CDH8: variants seen among roughly 807,000 people sequenced by gnomAD.
CDH8 encodes the protein cadherin 8, also known as cadherin-8.
A neutral mutation model predicts 68.1 loss-of-function variants in CDH8; 17 were observed. The observed-to-expected ratio is 0.25, with a 90% CI of 0.17 to 0.37. The LOEUF (loss-of-function observed/expected upper bound fraction) is 0.37, where lower values mean the gene tolerates loss of function less well. Among genes scored for constraint, CDH8 ranks in the 10% least tolerant of loss-of-function variants. The probability of loss-of-function intolerance (pLI) is 1.00; values close to 1 mark genes in which losing one functional copy is unlikely to be tolerated. For synonymous variants in CDH8, 372 were observed against 365.1 expected, an observed-to-expected ratio of 1.02 and a Z score of -0.21; for missense variants, 763 against 999.3, an observed-to-expected ratio of 0.76 and a Z score of 3.19.
chr16:62,006,096 T>C lies in CDH8; in HGVS notation c.252+15056A>G, dbSNP rs1261033570. Among the ~76,000 whole-genome samples, 3 of 152,208 alleles carry C rather than the reference T, an allele frequency of 2.0e-5. No individual in the cohort carries two copies. The East Asian group carries it at 5.8e-4, about 29-fold the overall frequency. ...CACAAAAGCCTCTGGTGAGGCAATA[T>C]GATCACTAGAGAAAACACAAGACAA... is the stretch of plus-strand genomic sequence containing the variant. On this transcript the variant is annotated intron_variant, in intron 2 of 11. Transcript: ENST00000577390.
chr16:61,998,600 C>T (rs1293055328), intron 2 of CDH8, among the ~76,000 whole-genome samples: 2 of 152,148 alleles, frequency 1.3e-5, no homozygotes, highest in Non-Finnish European at 2.9e-5. Flanking sequence ...TGTACCTAAG[C>T]TCTCACCTTG....
intron 2 of CDH8, among the ~76,000 whole-genome samples, chr16:62,008,794 C>T (rs1901732314): frequency 6.6e-6 from 1 of 152,080 alleles, no homozygotes; most frequent in South Asian, 2.1e-4. Context: ...TGGCCTTGAT[C>T]AATAGGTTCA....
chr16:61,718,351 T>C (rs8062933), intron 9 of CDH8, among the ~76,000 whole-genome samples: 6,072 of 151,450 alleles, frequency 0.04, 419 homozygotes, highest in African/African-American at 0.14. Context: ...TTTTGGAATA[T>C]TTTCCAAGGC....
intron 8 of CDH8, among the ~76,000 whole-genome samples, chr16:61,742,082 T>C (rs779822070): frequency 6.6e-6 from 1 of 152,164 alleles, no homozygotes; most frequent in African/African-American, 2.4e-5. Flanking sequence ...TTTTGTAGTA[T>C]TCTGTTTAGA....
Position 61,742,457 on chromosome 16 carries a change from C to G in CDH8, c.1415-15242G>C, listed in dbSNP as rs372136198. On this transcript the variant is annotated intron_variant, in intron 8 of 11. Transcript: ENST00000577390. Reference sequence around the variant, plus strand: ...TGAGAAAGGTTTCAGCATTTCACCACTAGATCTGATATTTACTATATGTTT... The same window carrying G: ...TGAGAAAGGTTTCAGCATTTCACCAGTAGATCTGATATTTACTATATGTTT... Among the ~76,000 whole-genome samples the G allele has an allele frequency of 8.5e-5, 13 of 152,204 alleles. No homozygotes were observed. The East Asian group carries it at 1.7e-3, about 20-fold the overall frequency.
intron 2 of CDH8, among the ~76,000 whole-genome samples, chr16:61,933,063 G>A (rs1390629668): frequency 6.6e-6 from 1 of 152,108 alleles, no homozygotes; most frequent in Non-Finnish European, 1.5e-5. Context: ...GGAGGCTGTT[G>A]TCTTCTTTCT....
chr16:61,779,464 T>TGTGG (rs796315669), intron 8 of CDH8, among the ~76,000 whole-genome samples: 1 of 141,462 alleles, frequency 7.1e-6, no homozygotes, highest in Non-Finnish European at 1.5e-5. Flanking sequence ...TGTGTGTGTG[T>TGTGG]GCGCGCATGG....
intron 8 of CDH8, among the ~76,000 whole-genome samples, chr16:61,732,970 G>T (rs553764294): frequency 6.6e-6 from 1 of 151,520 alleles, no homozygotes; most frequent in South Asian, 2.1e-4. Flanking sequence ...CAGAAATGAT[G>T]AATAAAAAGA....
intron 2 of CDH8, among the ~76,000 whole-genome samples, chr16:61,922,316 C>T (rs536995667): frequency 1.3e-5 from 2 of 152,224 alleles, no homozygotes; most frequent in South Asian, 4.1e-4. Context: ...AAAAAACAAT[C>T]ACCTTCTAAA....
chr16:61,832,019 G>C (rs892186665), intron 4 of CDH8, among the ~76,000 whole-genome samples: 3 of 151,606 alleles, frequency 2.0e-5, no homozygotes, highest in African/African-American at 7.3e-5. Flanking sequence ...ATAAGTGGGG[G>C]GGTCATGTAC....
At chr16:61,767,822 T>C (rs1205495370) in intron 8 of CDH8, among the ~76,000 whole-genome samples, 4 of 151,908 alleles carry the variant, frequency 2.6e-5, no homozygotes, top group Non-Finnish European at 5.9e-5. Context: ...TAAAAAATAA[T>C]ATGTCTGCCA....
chr16:61,664,368 T>C (rs923420222), intron 10 of CDH8, among the ~76,000 whole-genome samples: 1 of 151,902 alleles, frequency 6.6e-6, no homozygotes, highest in Non-Finnish European at 1.5e-5. Context: ...ACTCAGAAAC[T>C]TCCGAGTAAC....
At chr16:61,907,678 C>CA (rs568772782) in intron 2 of CDH8, among the ~76,000 whole-genome samples, 6,919 of 124,030 alleles carry the variant, frequency 0.056, 217 homozygotes, top group African/African-American at 0.11. Flanking sequence ...GACCCTGTTG[C>CA]AAAAAAAAAA....
intron 7 of CDH8, among the ~76,000 whole-genome samples, chr16:61,810,517 G>A (rs1290666882): frequency 6.6e-6 from 1 of 151,948 alleles, no homozygotes; most frequent in Non-Finnish European, 1.5e-5. Context: ...AATGAAGGGA[G>A]AATAAAAATG....
At chr16:61,866,506 T>C (rs1171890387) in intron 3 of CDH8, among the ~76,000 whole-genome samples, 3 of 152,074 alleles carry the variant, frequency 2.0e-5, no homozygotes, top group African/African-American at 7.2e-5. Flanking sequence ...TACAGATATA[T>C]AGTGTATACA....
intron 8 of CDH8, among the ~76,000 whole-genome samples, chr16:61,768,013 G>A (rs1960638654): frequency 4.0e-5 from 6 of 151,790 alleles, no homozygotes; most frequent in Admixed American, 4.0e-4. Flanking sequence ...AAAGTACTTG[G>A]GTGATTCTCT....
At chr16:61,834,955 T>G (rs1203507848) in intron 4 of CDH8, among the ~76,000 whole-genome samples, 2 of 151,932 alleles carry the variant, frequency 1.3e-5, no homozygotes, top group African/African-American at 2.4e-5. Context: ...ATAAAATTTT[T>G]TTTTAATTTG....
chr16:61,682,422 T>C (rs16963809), intron 10 of CDH8, among the ~76,000 whole-genome samples: 23,960 of 151,962 alleles, frequency 0.16, 2,051 homozygotes, highest in African/African-American at 0.21. Context: ...TACTTTTAAA[T>C]ACCCATTTGC....
intron 2 of CDH8, among the ~76,000 whole-genome samples, chr16:61,915,694 TCATCACTGCGG>T (rs1196398314): frequency 6.6e-6 from 1 of 152,200 alleles, no homozygotes; most frequent in Non-Finnish European, 1.5e-5. Context: ...GTAAGAGTTT[TCATCACTGCGG>T]CAGGGAGTGA....
Sources: allele counts gnomAD v4.1 joint callset (sites outside exome capture counted in the v4.1 genomes callset), GRCh38; gene constraint gnomAD v4.1.1; transcripts MANE v1.5; gene names NCBI Gene and HGNC (gene_info 2026-07-23, HGNC 2026-07-21).